CADM1: variants seen among roughly 807,000 people sequenced by gnomAD.
CADM1 encodes TSLC-1.
In CADM1, 15 loss-of-function variants were observed where a neutral mutation model predicts 53.1. The observed-to-expected ratio is 0.28, with a 90% CI of 0.19 to 0.44. The LOEUF (loss-of-function observed/expected upper bound fraction) is 0.44, where lower values mean the gene tolerates loss of function less well. Among genes scored for constraint, CADM1 ranks in the 20% least tolerant of loss-of-function variants. The pLI is 1.00. For synonymous variants in CADM1, 281 were observed against 243.0 expected, an observed-to-expected ratio of 1.16 and a Z score of -1.45; for missense variants, 434 against 611.3, an observed-to-expected ratio of 0.71 and a Z score of 3.06.
At chr11:115,502,803 G>T (rs560768215) in intron 1 of CADM1, among the ~76,000 whole-genome samples, 1 of 152,202 alleles carries the variant, frequency 6.6e-6, no homozygotes. Context: ...TGTCTCCTGC[G>T]GTGTTTACAT....
intron 1 of CADM1, among the ~76,000 whole-genome samples, chr11:115,503,085 C>T (rs574476807): frequency 2.0e-4 from 30 of 152,294 alleles, no homozygotes; most frequent in Non-Finnish European, 3.7e-4. Context: ...CCGGCGCCCG[C>T]CTGGAGCCTG....
At position 115,169,756 on chromosome 11, in the gene CADM1, G is replaced by T. The variant is rs1361719001; in HGVS notation, c.*6718C>A. On this transcript the variant is annotated 3_prime_UTR_variant, in exon 12 of 12. Transcript: ENST00000331581. The stretch of plus-strand genomic sequence containing the variant: ...TTTTAATCAGGTCTGCTGTGTCTGG[G>T]CAAACAGCTTTTGTGGATTAGCTAG... 2 of 346,232 alleles carry T rather than the reference G, an allele frequency of 5.8e-6. No homozygotes were observed. Among genetic ancestry groups the T allele is most frequent in the Non-Finnish European group, 1.2e-5 (2 of 172,080 alleles). The allele number at this position is 346,232 out of a possible 1,614,324, so 21.4% of individuals were successfully genotyped here. A position where few individuals can be genotyped will look rare whatever the true frequency, so the allele number is the denominator to read the frequency against.
chr11:115,418,276 G>A (rs1347205957), intron 1 of CADM1, among the ~76,000 whole-genome samples: 1 of 152,112 alleles, frequency 6.6e-6, no homozygotes, highest in Non-Finnish European at 1.5e-5. Flanking sequence ...AGGGTATAAG[G>A]GGAGTGGAAC....
At chr11:115,273,384 C>T (rs1021128379) in intron 1 of CADM1, among the ~76,000 whole-genome samples, 7 of 152,126 alleles carry the variant, frequency 4.6e-5, no homozygotes, top group Admixed American at 1.3e-4. Flanking sequence ...ACACATTATT[C>T]GATTCTGTGC....
intron 1 of CADM1, among the ~76,000 whole-genome samples, chr11:115,474,151 CGTG>C (rs1685878135): frequency 1.3e-5 from 2 of 151,160 alleles, no homozygotes; most frequent in African/African-American, 4.9e-5. Context: ...AAAATACAGG[CGTG>C]GTGGTGGGCG....
At chr11:115,393,521 A>G (rs1946898654) in intron 1 of CADM1, among the ~76,000 whole-genome samples, 1 of 151,534 alleles carries the variant, frequency 6.6e-6, no homozygotes, top group Admixed American at 6.6e-5. Context: ...CTTAGTAAAT[A>G]AAGTATTAGA....
intron 5 of CADM1, among the ~76,000 whole-genome samples, chr11:115,221,612 T>C (rs1201836842): frequency 6.6e-6 from 1 of 152,214 alleles, no homozygotes; most frequent in Non-Finnish European, 1.5e-5. Flanking sequence ...TTGCACCACA[T>C]TCTGTGATCT....
At position 115,458,269 on chromosome 11, in the gene CADM1, C is replaced by G. The variant is rs558713625; in HGVS notation, c.124+46002G>C. 1.4e-4 allele frequency among the ~76,000 whole-genome samples: 21 copies of G among 152,114 alleles called. No homozygotes were observed. In the South Asian group the frequency reaches 4.2e-3, roughly 30 times the overall value. On this transcript the variant is annotated intron_variant, in intron 1 of 11. Transcript: ENST00000331581. ...CTTTACCAATATGTTCTACAGCAAG[C>G]AGCAAAAGTGAAAAGCAACTGAGAT...
chr11:115,467,846 A>T (rs1292755427), intron 1 of CADM1, among the ~76,000 whole-genome samples: 4 of 152,218 alleles, frequency 2.6e-5, no homozygotes, highest in Non-Finnish European at 4.4e-5. Context: ...AGAACTTTAA[A>T]AATTTTTTAA....
chr11:115,207,314 G>T (rs1351297890), intron 8 of CADM1: 1 of 152,192 alleles, frequency 6.6e-6, no homozygotes, highest in Non-Finnish European at 1.5e-5. Context: ...TGAGCTGAGA[G>T]TCCAGTAGCA....
At chr11:115,330,593 A>C (rs1945105514) in intron 1 of CADM1, among the ~76,000 whole-genome samples, 1 of 152,150 alleles carries the variant, frequency 6.6e-6, no homozygotes, top group Non-Finnish European at 1.5e-5. Context: ...ACATGTGCTA[A>C]GTACTATTCT....
At chr11:115,451,090 C>T (rs1948561956) in intron 1 of CADM1, among the ~76,000 whole-genome samples, 1 of 152,184 alleles carries the variant, frequency 6.6e-6, no homozygotes, top group African/African-American at 2.4e-5. Flanking sequence ...AATAAAAATA[C>T]TGCTGTAGCA....
At chr11:115,336,972 C>T (rs1418349978) in intron 1 of CADM1, among the ~76,000 whole-genome samples, 1 of 152,116 alleles carries the variant, frequency 6.6e-6, no homozygotes, top group Non-Finnish European at 1.5e-5. Flanking sequence ...TCATTCAATC[C>T]TTACACATTT....
In CADM1 at chr11:115,376,113, A is replaced by G. The variant is rs558559846; in HGVS notation, c.124+128158T>C. Among the ~76,000 whole-genome samples the G allele has an allele frequency of 5.7e-4, 87 of 152,324 alleles. 1 individual carries two copies. Among genetic ancestry groups the G allele is most frequent in the African/African-American group, 2.0e-3 (84 of 41,584 alleles). ...GGTCACTAATAATATCTTTGGTGTC[A>G]GTCAAGATTTGAATCCTGGTTCATC... On this transcript the variant is annotated intron_variant, in intron 1 of 11. Transcript: ENST00000331581.
chr11:115,439,661 C>T (rs1948264058), intron 1 of CADM1, among the ~76,000 whole-genome samples: 1 of 152,198 alleles, frequency 6.6e-6, no homozygotes, highest in Non-Finnish European at 1.5e-5. Context: ...AATGTACATC[C>T]ATTTCAGAGT....
chr11:115,316,022 G>A (rs527316087), intron 1 of CADM1, among the ~76,000 whole-genome samples: 8 of 152,220 alleles, frequency 5.3e-5, no homozygotes, highest in East Asian at 3.9e-4. Flanking sequence ...GGCATCCTGC[G>A]AAGAGTCTCC....
In CADM1 at chr11:115,211,038, G is replaced by A. The variant is rs558409624; in HGVS notation, c.995-1381C>T. 8.0e-5 allele frequency among the ~76,000 whole-genome samples: 10 copies of A among 124,978 alleles called. No homozygotes were observed. In the East Asian group the frequency reaches 8.1e-4, roughly 10 times the overall value. 82.0% of individuals were successfully genotyped at this position (124,978 alleles called of 152,430 possible). A position where few individuals can be genotyped will look rare whatever the true frequency, so the allele number is the denominator to read the frequency against. ...TCACGTGAGTCCAAAAAAGGATGTCGTTTAAAAAAAATCTCATTCTCCTCC... is the reference window on the plus strand; with the variant it reads ...TCACGTGAGTCCAAAAAAGGATGTCATTTAAAAAAAATCTCATTCTCCTCC... On this transcript the variant is annotated intron_variant, in intron 7 of 11. Transcript: ENST00000331581.
At chr11:115,432,487 G>A (rs1055690741) in intron 1 of CADM1, among the ~76,000 whole-genome samples, 1 of 152,104 alleles carries the variant, frequency 6.6e-6, no homozygotes, top group African/African-American at 2.4e-5. Context: ...TGCCCACTTG[G>A]CATCTCAGCA....
chr11:115,477,700 T>C (rs942405621), intron 1 of CADM1, among the ~76,000 whole-genome samples: 3 of 152,238 alleles, frequency 2.0e-5, no homozygotes, highest in African/African-American at 7.2e-5. Context: ...TGCATTTTCT[T>C]CCTAATCCTA....
Sources: gnomAD v4.1 joint callset for allele counts (sites outside exome capture counted in the v4.1 genomes callset) on GRCh38, gnomAD v4.1.1 for gene constraint, MANE v1.5 for transcripts, NCBI Gene and HGNC (gene_info 2026-07-23, HGNC 2026-07-21) for gene names.